MFAP3L: variants seen among roughly 807,000 people sequenced by gnomAD.
MFAP3L encodes the protein microfibrillar-associated protein 3-like.
Under a neutral mutation model 20.0 loss-of-function variants are expected in MFAP3L, and 5 were observed. The ratio of observed to expected loss-of-function variants is 0.25; its 90% CI spans 0.13 to 0.53. The LOEUF is 0.53. Ranked by LOEUF, MFAP3L falls within the 20% of genes least tolerant of loss-of-function variation. MFAP3L has a pLI of 0.96. For synonymous variants in MFAP3L, 219 were observed against 213.0 expected (o/e 1.03, Z -0.25); for missense variants, 409 against 527.5 (o/e 0.78, Z 2.20).
At chr4:170,008,988 C>G (rs925315277) in intron 1 of MFAP3L, among the ~76,000 whole-genome samples, 8 of 152,112 alleles carry the variant, frequency 5.3e-5, no homozygotes, top group African/African-American at 1.9e-4. Flanking sequence ...CAATGTGTTG[C>G]CTGAAGAACA....
intron 2 of MFAP3L, among the ~76,000 whole-genome samples, chr4:170,004,251 T>TTAA (rs1738884918): frequency 6.7e-6 from 1 of 150,066 alleles, no homozygotes; most frequent in Middle Eastern, 3.2e-3. Context: ...TCATAGCCAC[T>TTAA]TAATAATAGC....
At chr4:170,015,520 G>C (rs1025318652) in intron 1 of MFAP3L, among the ~76,000 whole-genome samples, 2 of 152,196 alleles carry the variant, frequency 1.3e-5, no homozygotes, top group African/African-American at 4.8e-5. Context: ...CAGCCTGTGA[G>C]AACTTGTTCT....
intron 2 of MFAP3L, among the ~76,000 whole-genome samples, chr4:170,000,531 C>T (rs1052294227): frequency 6.6e-6 from 1 of 152,176 alleles, no homozygotes; most frequent in Non-Finnish European, 1.5e-5. Flanking sequence ...TTAAGACTCA[C>T]AATCCCACTT....
At chr4:169,995,606 G>T (rs184978299) in intron 2 of MFAP3L, among the ~76,000 whole-genome samples, 2 of 152,252 alleles carry the variant, frequency 1.3e-5, no homozygotes, top group African/African-American at 4.8e-5. Context: ...ATTACCATTC[G>T]CATCGGTCTA....
intron 1 of MFAP3L, among the ~76,000 whole-genome samples, chr4:170,012,880 G>A (rs2111038025): frequency 6.6e-6 from 1 of 152,242 alleles, no homozygotes; most frequent in South Asian, 2.1e-4. Flanking sequence ...TTAAGCCCAT[G>A]GAACAACTGA....
rs1737403370 is a variant in MFAP3L at position 169,988,178 on chromosome 4, G to A, written c.*3200C>T. The A allele has an allele frequency of 6.6e-6, 1 of 152,124 alleles. No homozygotes were observed. Among genetic ancestry groups the A allele is most frequent in the Admixed American group, 6.6e-5 (1 of 15,262 alleles). 9.4% of individuals were successfully genotyped at this position (152,124 alleles called of 1,614,324 possible). A position where few individuals can be genotyped will look rare whatever the true frequency, so the allele number is the denominator to read the frequency against. ...TCCTAGAGATTTTAGTCAAGTATTA[G>A]TATTTCTTTTTGCTAAGTATGGTAT... On this transcript the variant is annotated 3_prime_UTR_variant, in exon 3 of 3. Coordinates refer to ENST00000361618, the MANE Select transcript of MFAP3L (RefSeq NM_021647.8).
At chr4:169,996,050 C>G (rs1388139842) in intron 2 of MFAP3L, among the ~76,000 whole-genome samples, 1 of 136,140 alleles carries the variant, frequency 7.3e-6, no homozygotes, top group Non-Finnish European at 1.6e-5. Context: ...TCCATCCCCT[C>G]TCTCTCAGCT....
intron 2 of MFAP3L, among the ~76,000 whole-genome samples, chr4:169,996,710 G>A (rs1325021359): frequency 1.3e-5 from 2 of 152,168 alleles, no homozygotes; most frequent in African/African-American, 4.8e-5. Flanking sequence ...GAGGAAGGCA[G>A]GGCTGGATTA....
intron 2 of MFAP3L, among the ~76,000 whole-genome samples, chr4:169,997,046 G>A (rs1038599474): frequency 6.6e-6 from 1 of 151,248 alleles, no homozygotes; most frequent in Non-Finnish European, 1.5e-5. Context: ...GCAGCCAAGC[G>A]TGAGAAGTTT....
At chr4:170,012,807 G>A (rs1739464626) in intron 1 of MFAP3L, among the ~76,000 whole-genome samples, 1 of 152,136 alleles carries the variant, frequency 6.6e-6, no homozygotes, top group Non-Finnish European at 1.5e-5. Context: ...GCTACTTAAT[G>A]GGTAGAACTA....
At chr4:170,017,884 G>A (rs1739796956) in intron 1 of MFAP3L, among the ~76,000 whole-genome samples, 1 of 152,170 alleles carries the variant, frequency 6.6e-6, no homozygotes, top group Non-Finnish European at 1.5e-5. Flanking sequence ...ACACTTTCCA[G>A]GTGATCTCTC....
At position 169,991,686 on chromosome 4, in the gene MFAP3L, G is replaced by A. The variant is rs150180457; in HGVS notation, c.922C>T (p.Leu308=). Residue 308 remains leucine, a synonymous_variant, in exon 3 of 3, where the codon CTG becomes TTG. Transcript: ENST00000361618. This position sits in a 1 kb window ranked among gnomAD's most constrained non-coding sequence, Gnocchi z 4.9. ...SPAADSDASS[L]HEQPQQIAIK... ...GCAATTTGCTGAGGTTGCTCGTGCA[G>A]CGATGAGGCGTCCGAGTCAGCGGCA... 118 of 1,614,094 alleles carry A rather than the reference G, an allele frequency of 7.3e-5. No individual in the cohort carries two copies. The highest frequency in any genetic ancestry group is 5.0e-5 in the Admixed American group (3 of 60,002).
In MFAP3L at chr4:169,991,117, A is replaced by T; in HGVS notation, c.*261T>A. 2.0e-6 allele frequency: 1 copy of T among 508,720 alleles called. No individual in the cohort carries two copies. Among genetic ancestry groups the T allele is most frequent in the Middle Eastern group, 5.1e-4 (1 of 1,954 alleles). The allele number at this position is 508,720 out of a possible 1,614,324, so 31.5% of individuals were successfully genotyped here. A position where few individuals can be genotyped will look rare whatever the true frequency, so the allele number is the denominator to read the frequency against. On this transcript the variant is annotated 3_prime_UTR_variant, in exon 3 of 3. Transcript: ENST00000361618. This position sits in a 1 kb window ranked among gnomAD's most constrained non-coding sequence, Gnocchi z 4.9. ...TCACCAATTAAGGTATTTGGCAGAGATCAGCCTCTGAAACTCATTATCACA... is the reference window on the plus strand; with the variant it reads ...TCACCAATTAAGGTATTTGGCAGAGTTCAGCCTCTGAAACTCATTATCACA...
intron 1 of MFAP3L, 60 bp downstream of exon 1, chr4:170,026,174 G>A (rs1581539830): frequency 1.1e-6 from 1 of 950,134 alleles, no homozygotes; most frequent in East Asian, 1.2e-4. Context: ...CGCCGACCCG[G>A]TGCGGGGCTG....
intron 1 of MFAP3L, chr4:170,006,788 T>C (rs1013105290): frequency 3.9e-5 from 6 of 152,228 alleles, no homozygotes; most frequent in Admixed American, 2.6e-4. Flanking sequence ...TTCTCCTAAC[T>C]ACCCATTATA....
rs117149461 is a variant in MFAP3L, at chr4:170,004,934, C to T, written c.298+646G>A. On this transcript the variant is annotated intron_variant, in intron 2 of 2. Transcript: ENST00000361618. ...CTAAAACAAGAAATGCACCGATTCC[C>T]GAAGACCCAATCCTCTCTCTGGCTA... 238 of 152,444 alleles carry T rather than the reference C, an allele frequency of 1.6e-3. 6 individuals are homozygous for T. The East Asian group carries it at 0.042, about 27-fold the overall frequency. The allele number at this position is 152,444 out of a possible 1,614,324, so 9.4% of individuals were successfully genotyped here. A position where few individuals can be genotyped will look rare whatever the true frequency, so the allele number is the denominator to read the frequency against.
rs551539774 is a variant in MFAP3L, at chr4:170,022,739, C to A, written c.-134+3495G>T. 5.9e-5 allele frequency among the ~76,000 whole-genome samples: 9 copies of A among 152,244 alleles called. No homozygotes were observed. The East Asian group carries it at 1.7e-3, about 29-fold the overall frequency. On this transcript the variant is annotated intron_variant, in intron 1 of 2. Transcript: ENST00000361618. ...TGCCCCAAGAGAAAGATTGGACTGG[C>A]CGCTCTGAGCTTTGAAGACGGATGG... is the stretch of plus-strand genomic sequence containing the variant.
intron 1 of MFAP3L, among the ~76,000 whole-genome samples, chr4:170,011,470 T>C (rs1739376778): frequency 1.3e-5 from 2 of 152,206 alleles, no homozygotes; most frequent in South Asian, 4.1e-4. Context: ...ATGCCTCTAA[T>C]CACACAAAGG....
At chr4:170,015,138 G>A (rs1241365599) in intron 1 of MFAP3L, among the ~76,000 whole-genome samples, 2 of 152,204 alleles carry the variant, frequency 1.3e-5, no homozygotes, top group East Asian at 3.8e-4. Context: ...CTGGGGTGAT[G>A]TGTGAAGAGC....
Sources: allele counts gnomAD v4.1 joint callset (sites outside exome capture counted in the v4.1 genomes callset), GRCh38; gene constraint gnomAD v4.1.1; non-coding constraint Gnocchi (gnomAD v3.1); transcripts MANE v1.5; gene names NCBI Gene and HGNC (gene_info 2026-07-23, HGNC 2026-07-21).